The following TLE4 variants were observed in gnomAD, a reference collection of about 807,000 sequenced individuals.
TLE4 encodes TLE family member 4, transcriptional corepressor, also known as transducin-like enhancer protein 4.
TLE4 carries 8 observed loss-of-function variants against 92.8 expected under a neutral mutation model. The observed-to-expected ratio is 0.09, with a 90% CI of 0.05 to 0.16. TLE4 has a LOEUF of 0.16. Ranked by LOEUF, TLE4 falls within the 10% of genes least tolerant of loss-of-function variation. The pLI is 1.00. For synonymous variants in TLE4, 371 were observed against 374.1 expected (o/e 0.99, Z 0.10); for missense variants, 675 against 997.6 (o/e 0.68, Z 4.36).
chr9:79,658,055 TC>T (rs900315717), intron 8 of TLE4, among the ~76,000 whole-genome samples: 1 of 152,190 alleles, frequency 6.6e-6, no homozygotes, highest in Non-Finnish European at 1.5e-5. Context: ...AAACATTTTT[TC>T]CATCTGAGTG....
chr9:79,724,987 G>A, intron 19 of TLE4, 50 bp from the exon 20 acceptor site: 1 of 1,423,902 alleles, frequency 7.0e-7, no homozygotes, highest in Non-Finnish European at 9.8e-7. Flanking sequence ...CCATACTCAT[G>A]GGATTTTCTT....
At chr9:79,594,901 C>T (rs549909691) in intron 4 of TLE4, among the ~76,000 whole-genome samples, 4 of 152,314 alleles carry the variant, frequency 2.6e-5, no homozygotes, top group East Asian at 1.9e-4. Context: ...CATACTTAAG[C>T]TGTAACATTT....
intron 8 of TLE4, among the ~76,000 whole-genome samples, chr9:79,695,460 CA>C (rs1195561620): frequency 2.6e-5 from 4 of 152,038 alleles, no homozygotes; most frequent in African/African-American, 9.7e-5. Context: ...TTTAGGAATG[CA>C]TAATCTCCTA....
chr9:79,664,243 T>A (rs1014872476), intron 8 of TLE4, among the ~76,000 whole-genome samples: 1 of 152,234 alleles, frequency 6.6e-6, no homozygotes, highest in Non-Finnish European at 1.5e-5. Context: ...CTCAGCGGGA[T>A]GTTATTAGCT....
At chr9:79,592,216 C>CTCT (rs528773975) in intron 4 of TLE4, among the ~76,000 whole-genome samples, 5 of 98,328 alleles carry the variant, frequency 5.1e-5, no homozygotes, top group East Asian at 3.1e-4. Context: ...CTTCTTCTTC[C>CTCT]TCTTCTTCTT....
chr9:79,713,615 AGT>A (rs1235112540), intron 14 of TLE4, among the ~76,000 whole-genome samples: 1 of 152,146 alleles, frequency 6.6e-6, no homozygotes, highest in Non-Finnish European at 1.5e-5. Flanking sequence ...ATATTCAGAA[AGT>A]ACTTTTGTAA....
intron 1 of TLE4, chr9:79,573,488 C>T (rs1397868480): frequency 7.4e-6 from 7 of 946,710 alleles, no homozygotes; most frequent in East Asian, 3.4e-5. Flanking sequence ...CGGGAGTATG[C>T]GGGGCCCCAG....
intron 8 of TLE4, among the ~76,000 whole-genome samples, chr9:79,659,449 A>T (rs1015614264): frequency 2.0e-5 from 3 of 152,000 alleles, no homozygotes; most frequent in African/African-American, 7.3e-5. Flanking sequence ...TTAGTAAAAT[A>T]ATTCTTTGAT....
chr9:79,628,103 G>A (rs1026284183), intron 6 of TLE4, among the ~76,000 whole-genome samples: 1 of 151,530 alleles, frequency 6.6e-6, no homozygotes, highest in African/African-American at 2.4e-5. Flanking sequence ...TCAGATTAAT[G>A]TAACAGGCAA....
chr9:79,648,063 G>A (rs2058371966), intron 6 of TLE4, among the ~76,000 whole-genome samples: 1 of 152,202 alleles, frequency 6.6e-6, no homozygotes, highest in Non-Finnish European at 1.5e-5. Context: ...CGGGCAGAGA[G>A]TTCCCTGGAT....
At chr9:79,587,949 T>G (rs1260610103) in intron 4 of TLE4, among the ~76,000 whole-genome samples, 1 of 152,176 alleles carries the variant, frequency 6.6e-6, no homozygotes, top group Non-Finnish European at 1.5e-5. Context: ...ATTATCCTTA[T>G]TGTGTATGAG....
chr9:79,589,429 C>T (rs1390581846), intron 4 of TLE4, among the ~76,000 whole-genome samples: 4 of 151,934 alleles, frequency 2.6e-5, no homozygotes, highest in African/African-American at 7.2e-5. Context: ...AAGAAGGGAC[C>T]GTGATAAACC....
intron 4 of TLE4, among the ~76,000 whole-genome samples, chr9:79,605,279 C>A (rs1014801468): frequency 9.9e-5 from 15 of 152,094 alleles, no homozygotes; most frequent in African/African-American, 3.6e-4. Context: ...TTCTATTTTC[C>A]CTGCCTCTCC....
intron 8 of TLE4, among the ~76,000 whole-genome samples, chr9:79,702,585 A>G (rs1321485972): frequency 6.6e-6 from 1 of 152,190 alleles, no homozygotes; most frequent in African/African-American, 2.4e-5. Context: ...TTTGGCTCGT[A>G]ATGTTTTGTG....
At chr9:79,681,837 TGTG>T (rs2064726444) in intron 8 of TLE4, among the ~76,000 whole-genome samples, 1 of 74,512 alleles carries the variant, frequency 1.3e-5, no homozygotes, top group African/African-American at 9.7e-5. Flanking sequence ...TGTGCATGTG[TGTG>T]TGTGTGTGTG....
At chr9:79,651,281 T>C (rs775657369) in intron 6 of TLE4, among the ~76,000 whole-genome samples, 30 of 152,280 alleles carry the variant, frequency 2.0e-4, no homozygotes, top group African/African-American at 6.7e-4. Flanking sequence ...GGGATTCCTA[T>C]TGAGTAATAC....
At chr9:79,689,504 A>T (rs2066597870) in intron 8 of TLE4, among the ~76,000 whole-genome samples, 1 of 152,182 alleles carries the variant, frequency 6.6e-6, no homozygotes, top group African/African-American at 2.4e-5. Flanking sequence ...TGTTTTAATT[A>T]TGGCACTCAA....
Position 79,572,717 on chromosome 9 carries a change from C to A in TLE4, c.-74C>A, listed in dbSNP as rs1416105022. 3 of 1,517,392 alleles carry A rather than the reference C, an allele frequency of 2.0e-6. No homozygotes were observed. Among genetic ancestry groups the A allele is most frequent in the African/African-American group, 1.4e-5 (1 of 69,594 alleles). The allele number at this position is 1,517,392 out of a possible 1,614,324, so 94.0% of individuals were successfully genotyped here. On this transcript the variant is annotated 5_prime_UTR_variant, in exon 1 of 20. Transcript: ENST00000376552. ...AGCCGGCCGCCTCCGCTGCCGCGGC[C>A]GCCTCCTCTTCGGGGTCATTAAAGC...
chr9:79,680,941 G>A (rs934402284), intron 8 of TLE4, among the ~76,000 whole-genome samples: 30 of 152,186 alleles, frequency 2.0e-4, no homozygotes, highest in African/African-American at 5.1e-4. Context: ...ATTGATTTGC[G>A]TTTGTTGAAC....
Sources: gnomAD v4.1 joint callset for allele counts (sites outside exome capture counted in the v4.1 genomes callset) on GRCh38, gnomAD v4.1.1 for gene constraint, MANE v1.5 for transcripts, NCBI Gene and HGNC (gene_info 2026-07-23, HGNC 2026-07-21) for gene names.